The following OTOF variants were observed in gnomAD, a reference collection of about 807,000 sequenced individuals.
The protein encoded by OTOF is otoferlin.
OTOF carries 218 observed loss-of-function variants against 236.8 expected under a neutral mutation model. The ratio of observed to expected loss-of-function variants is 0.92; its 90% confidence interval spans 0.82 to 1.03. OTOF has a LOEUF of 1.03. Among genes scored for constraint, OTOF ranks in the 50% least tolerant of loss-of-function variants. The pLI is 0.00. For missense variants in OTOF, 2,590 were observed against 2,694.4 expected, an observed-to-expected ratio of 0.96 and a Z score of 0.86; for synonymous variants, 1,041 against 1,072.5, an observed-to-expected ratio of 0.97 and a Z score of 0.57.
rs771111477 is a variant in OTOF at position 26,527,827 on chromosome 2, C to T, written c.227+5G>A. The T allele has an allele frequency of 1.9e-6, 3 of 1,607,722 alleles. No homozygotes were observed. The highest frequency in any genetic ancestry group is 2.7e-5 in the African/African-American group (2 of 74,798). ...CCAGCCCCTCCTGCCCCATCCCACA[C>T]TTACTTGTTGCTGAAGACTTTGCTG... On this transcript the variant is annotated splice_donor_5th_base_variant and intron_variant, in intron 3 of 46. Coordinates refer to ENST00000272371, the MANE Select transcript of OTOF (RefSeq NM_194248.3).
At chr2:26,491,950 T>C (rs1053390157) in intron 9 of OTOF, among the ~76,000 whole-genome samples, 1 of 152,262 alleles carries the variant, frequency 6.6e-6, no homozygotes, top group African/African-American at 2.4e-5. Flanking sequence ...ACCTAAGTCA[T>C]GTTGATTGTT....
Position 26,472,579 on chromosome 2 carries a change from C to T in OTOF, c.3804G>A (p.Val1268=). 6.2e-7 allele frequency: 1 copy of T among 1,613,498 alleles called. No homozygotes were observed. The change falls in exon 30 of 47, where the codon GTG becomes GTA. Residue 1268 remains valine (V), a synonymous_variant. Coordinates refer to ENST00000272371, the MANE Select transcript of OTOF (RefSeq NM_194248.3). ...TGGGTACCTCTGGCTCCATAGTCAC[C>T]ACAACCTCCCCTGTGGAGTGAGAGG... ...GSSSHSTGEV[V]VTMEPEVPIK...
chr2:26,482,350 C>T, intron 14 of OTOF, 56 bp downstream of exon 14: 1 of 1,524,326 alleles, frequency 6.6e-7, no homozygotes. Context: ...TCACATATTC[C>T]TTCCCTTCAG....
rs557109209 is a variant in OTOF at position 26,470,816 on chromosome 2, C to A, written c.3895-95G>T. 1.3e-6 allele frequency: 2 copies of A among 1,555,148 alleles called. No homozygotes were observed. The highest frequency in any genetic ancestry group is 1.7e-6 in the Non-Finnish European group (2 of 1,155,220). ...CATTCCGCCATCTGTCAGCAGGAAGCCTTGGGCTCCATGAGGCTCTGTGGG... is the reference window on the plus strand; with the variant it reads ...CATTCCGCCATCTGTCAGCAGGAAGACTTGGGCTCCATGAGGCTCTGTGGG... On this transcript the variant is annotated intron_variant, in intron 31 of 46. Coordinates refer to ENST00000272371, the MANE Select transcript of OTOF (RefSeq NM_194248.3). The surrounding 1 kb of genome is among the most constrained non-coding windows in gnomAD (Gnocchi z 4.3).
intron 15 of OTOF, among the ~76,000 whole-genome samples, chr2:26,480,519 C>T (rs981854782): frequency 2.0e-5 from 3 of 152,218 alleles, no homozygotes; most frequent in African/African-American, 7.2e-5. Flanking sequence ...CAGGGACAGC[C>T]GTGGCTGGGA....
chr2:26,509,769 A>G (rs578145662), intron 5 of OTOF, among the ~76,000 whole-genome samples: 92 of 152,310 alleles, frequency 6.0e-4, no homozygotes, highest in African/African-American at 2.2e-3. Context: ...TTCAGCTCTC[A>G]TTGGTATGTT....
intron 4 of OTOF, 55 bp downstream of exon 4, chr2:26,518,955 G>C: frequency 8.1e-7 from 1 of 1,241,566 alleles, no homozygotes; most frequent in East Asian, 2.4e-5. Context: ...AGGGAGAACA[G>C]ACCCCCAGAT....
chr2:26,516,580 A>T lies in OTOF; in HGVS notation c.347T>A (p.Val116Asp). 6.2e-7 allele frequency: 1 copy of T among 1,606,894 alleles called. No homozygotes were observed. ...AIIKTSLCVE[V>D]RYQATDGTVG... ...TGTGCCGTCAGTGGCCTGATACCGGACCTCCACGCACAGGCTGGTCTGAAG... is the reference window on the plus strand; with the variant it reads ...TGTGCCGTCAGTGGCCTGATACCGGTCCTCCACGCACAGGCTGGTCTGAAG... The change falls in exon 5 of 47, where the codon GTC (valine) becomes GAC (aspartate). Residue 116 changes from valine (V) to aspartate (D), a missense_variant. By Grantham distance (152) the Val-to-Asp change is radical (BLOSUM62 -3). Transcript: ENST00000272371.
At position 26,473,324 on chromosome 2, in the gene OTOF, T is replaced by C; in HGVS notation, c.3571-30A>G. On this transcript the variant is annotated intron_variant, in intron 28 of 46. Coordinates refer to ENST00000272371, the MANE Select transcript of OTOF (RefSeq NM_194248.3). This position sits in a 1 kb window ranked among gnomAD's most constrained non-coding sequence, Gnocchi z 7.2. ...GGTGTTGGCGACAGGAGCCTGAGCC[T>C]CCAAGAAGGGGCAGAGGAAGCCGGC... 1 of 1,613,116 alleles carries C rather than the reference T, an allele frequency of 6.2e-7. No individual in the cohort carries two copies. Among genetic ancestry groups the C allele is most frequent in the Non-Finnish European group, 8.5e-7 (1 of 1,179,866 alleles).
chr2:26,458,007 G>T lies in OTOF; in HGVS notation c.*231C>A. The T allele has an allele frequency of 6.2e-7, 1 of 1,600,394 alleles. No homozygotes were observed. Among genetic ancestry groups the T allele is most frequent in the South Asian group, 1.1e-5 (1 of 89,454 alleles). On this transcript the variant is annotated 3_prime_UTR_variant, in exon 47 of 47. Transcript: ENST00000272371. ...AAGCCACTGAAAGGAAATGCGGCAGGGCTGGGGAGCGGCTGGCGGGAGCTG... is the reference window on the plus strand; with the variant it reads ...AAGCCACTGAAAGGAAATGCGGCAGTGCTGGGGAGCGGCTGGCGGGAGCTG...
chr2:26,501,574 AC>A (rs1456869636), intron 8 of OTOF, among the ~76,000 whole-genome samples, 179 bp downstream of exon 8: 1 of 151,980 alleles, frequency 6.6e-6, no homozygotes, highest in Non-Finnish European at 1.5e-5. Context: ...GTATCTCTCT[AC>A]TGATGATACT....
In OTOF at chr2:26,473,476, AC is replaced by A. The variant is rs768425573; in HGVS notation, c.3499del (p.Val1167CysfsTer5). Reference sequence around the variant, plus strand: ...ATAATTGTGGATCAGGGACGACTGCACCCCCTTCCCTGCACACTCGATGTCC... The same window carrying A: ...ATAATTGTGGATCAGGGACGACTGCACCCCTTCCCTGCACACTCGATGTCC... ...RVDIECAGKG[V>X]QSSLIHNYKK... On this transcript the variant is annotated frameshift_variant, in exon 28 of 47. Transcript: ENST00000272371. LOFTEE classifies it high-confidence loss of function. This position sits in a 1 kb window ranked among gnomAD's most constrained non-coding sequence, Gnocchi z 7.2. 1 of 1,612,982 alleles carries A rather than the reference AC, an allele frequency of 6.2e-7. No individual in the cohort carries two copies. Among genetic ancestry groups the A allele is most frequent in the Non-Finnish European group, 8.5e-7 (1 of 1,179,936 alleles).
In OTOF at chr2:26,507,906, G is replaced by A. The variant is rs142135324; in HGVS notation, c.510-4061C>T. Among the ~76,000 whole-genome samples, 29 of 152,256 alleles carry A rather than the reference G, an allele frequency of 1.9e-4. No homozygotes were observed. The East Asian group carries it at 4.6e-3, about 24-fold the overall frequency. ...AAACTATAAATCTGATGATTTCTCC[G>A]CTCATTTTATGGCCCAGATTTAGAA... On this transcript the variant is annotated intron_variant, in intron 5 of 46. Transcript: ENST00000272371.
chr2:26,458,428 C>T (rs1214081648), intron 46 of OTOF, among the ~76,000 whole-genome samples: 2 of 152,240 alleles, frequency 1.3e-5, no homozygotes, highest in Non-Finnish European at 2.9e-5. Context: ...CCTTTGGGGC[C>T]CGAATCTCCT....
In OTOF at chr2:26,460,863, A is replaced by T; in HGVS notation, c.5701T>A (p.Phe1901Ile). 1.2e-6 allele frequency: 2 copies of T among 1,613,530 alleles called. No homozygotes were observed. Among genetic ancestry groups the T allele is most frequent in the South Asian group, 2.2e-5 (2 of 91,048 alleles). ...PLLARNENDE[F>I]ELTGKVEAEL... is the part of the protein sequence containing the mutation. ...GAAGGGGTGCGCACCGTGAGCTCAA[A>T]CTCATCGTTCTCATTGCGGGCCAGG... Residue 1901 changes from phenylalanine to isoleucine, a missense_variant, in exon 44 of 47, where the codon TTT (phenylalanine) becomes ATT (isoleucine). Physicochemically the swap from Phe to Ile is conservative, Grantham distance 21. This residue lies in a region of OTOF where 1,211 missense variants were observed against 1,352.8 expected (regional missense o/e 0.90). Transcript: ENST00000272371. This position sits in a 1 kb window ranked among gnomAD's most constrained non-coding sequence, Gnocchi z 5.3.
chr2:26,519,094 G>A lies in OTOF; in HGVS notation c.243C>T (p.Phe81=), dbSNP rs753281507. The A allele has an allele frequency of 4.4e-6, 7 of 1,600,398 alleles. No individual in the cohort carries two copies. The highest frequency in any genetic ancestry group is 6.0e-6 in the Non-Finnish European group (7 of 1,171,238). ...CTACCACCTTCTGCAGCACCATGCG[G>A]AAGGTCCCGATGAGCCTGGGGATGG... is the stretch of plus-strand genomic sequence containing the variant. ...KVFSNKLIGT[F]RMVLQKVVEE... Residue 81 remains phenylalanine (F), a synonymous_variant, in exon 4 of 47, where the codon TTC becomes TTT. Coordinates refer to ENST00000272371, the MANE Select transcript of OTOF (RefSeq NM_194248.3).
chr2:26,474,093 C>A lies in OTOF; in HGVS notation c.3306G>T (p.Lys1102Asn), dbSNP rs1289183034. 1.2e-6 allele frequency: 2 copies of A among 1,612,992 alleles called. No individual in the cohort carries two copies. The highest frequency in any genetic ancestry group is 2.7e-5 in the African/African-American group (2 of 75,022). ...FELLQIGPAGKADLPPINGPV... is the reference protein window; with the variant it reads ...FELLQIGPAGNADLPPINGPV... The stretch of plus-strand genomic sequence containing the variant: ...GGCCATTGATGGGGGGCAGGTCAGC[C>A]TTCCCTGCTGGTCCAATCTGGGGAA... The change falls in exon 27 of 47, where the codon AAG becomes AAT. Residue 1102 changes from lysine (K) to asparagine (N), a missense_variant. By Grantham distance (94) the Lys-to-Asn change is moderately conservative. This residue lies in a region of OTOF where 1,211 missense variants were observed against 1,352.8 expected (regional missense o/e 0.90). Coordinates refer to ENST00000272371, the MANE Select transcript of OTOF (RefSeq NM_194248.3).
At chr2:26,519,298 T>C (rs1666616887) in intron 3 of OTOF, among the ~76,000 whole-genome samples, 189 bp from the exon 4 acceptor site, 1 of 152,086 alleles carries the variant, frequency 6.6e-6, no homozygotes, top group African/African-American at 2.4e-5. Flanking sequence ...CCACTGTGGA[T>C]GGTTGTTTGT....
chr2:26,466,837 CA>C lies in OTOF; in HGVS notation c.4376del (p.Val1459GlyfsTer63). 1 of 1,614,228 alleles carries C rather than the reference CA, an allele frequency of 6.2e-7. No individual in the cohort carries two copies. Among genetic ancestry groups the C allele is most frequent in the Non-Finnish European group, 8.5e-7 (1 of 1,180,040 alleles). ...CGTCCTCTGGGAGTGGCACTTTGTA[CA>C]CGCAGAGGGAGCCCTGGGCAAGACA... ...IVGRFKGSLC[V>X]YKVPLPEDVS... On this transcript the variant is annotated frameshift_variant, in exon 36 of 47. Coordinates refer to ENST00000272371, the MANE Select transcript of OTOF (RefSeq NM_194248.3). LOFTEE classifies it high-confidence loss of function.
Sources: allele counts gnomAD v4.1 joint callset (sites outside exome capture counted in the v4.1 genomes callset), GRCh38; gene constraint gnomAD v4.1.1; regional missense constraint gnomAD v4.1.1; non-coding constraint Gnocchi (gnomAD v3.1); transcripts MANE v1.5; gene names NCBI Gene and HGNC (gene_info 2026-07-23, HGNC 2026-07-21).